BPIFB1: variants seen among roughly 807,000 people sequenced by gnomAD.
The protein encoded by BPIFB1 is BPI fold-containing family B member 1.
Under a neutral mutation model 55.1 loss-of-function variants are expected in BPIFB1, and 34 were observed. The ratio of observed to expected loss-of-function variants is 0.62; its 90% CI spans 0.47 to 0.82. BPIFB1 has a LOEUF of 0.82. Ranked by LOEUF, BPIFB1 falls within the 40% of genes least tolerant of loss-of-function variation. The pLI is 0.00. For synonymous variants in BPIFB1, 236 were observed against 245.3 expected (o/e 0.96, Z 0.35); for missense variants, 532 against 593.1 (o/e 0.90, Z 1.07).
intron 15 of BPIFB1, 60 bp downstream of exon 15, chr20:33,307,047 G>A: frequency 6.6e-7 from 1 of 1,508,498 alleles, no homozygotes; most frequent in South Asian, 1.1e-5. Flanking sequence ...TGAGAGCCCT[G>A]GCTGGGAGGT....
Position 33,309,784 on chromosome 20 carries a change from C to T in BPIFB1, c.*17C>T. ...TCCCAGTGAAGACTTGGATGGCAGC[C>T]ATCAGGGAAGGCTGGGTCCCAGCTG... On this transcript the variant is annotated 3_prime_UTR_variant, in exon 16 of 16. Coordinates refer to ENST00000253354, the MANE Select transcript of BPIFB1 (RefSeq NM_033197.3). This position sits in a 1 kb window ranked among gnomAD's most constrained non-coding sequence, Gnocchi z 4.4. The T allele has an allele frequency of 1.9e-6, 3 of 1,612,356 alleles. No individual in the cohort carries two copies. The highest frequency in any genetic ancestry group is 2.2e-5 in the South Asian group (2 of 91,016).
intron 6 of BPIFB1, among the ~76,000 whole-genome samples, chr20:33,293,994 G>A (rs112183272): frequency 0.01 from 1,541 of 152,210 alleles, 37 homozygotes; most frequent in African/African-American, 0.035. Context: ...TCTCCATTTT[G>A]TGAAATATAC....
At chr20:33,301,502 C>A in intron 9 of BPIFB1, 90 bp downstream of exon 9, 2 of 1,248,354 alleles carry the variant, frequency 1.6e-6, no homozygotes, top group South Asian at 1.4e-5. Context: ...CAGGAATCCT[C>A]CATCAGGCTC....
chr20:33,284,119 G>A (rs1396842516), intron 1 of BPIFB1, among the ~76,000 whole-genome samples: 1 of 152,158 alleles, frequency 6.6e-6, no homozygotes, highest in Non-Finnish European at 1.5e-5. Flanking sequence ...GGCCATGCCA[G>A]GCCACAAATA....
At chr20:33,302,791 A>T in intron 10 of BPIFB1, 125 bp from the exon 11 acceptor site, 1 of 1,054,872 alleles carries the variant, frequency 9.5e-7, no homozygotes, top group Non-Finnish European at 1.4e-6. Flanking sequence ...CAAGAAGGAC[A>T]GGGTGGCTGG....
intron 1 of BPIFB1, 132 bp from the exon 2 acceptor site, chr20:33,285,901 A>C (rs994293684): frequency 1.7e-6 from 1 of 598,802 alleles, no homozygotes; most frequent in African/African-American, 1.9e-5. Context: ...TGATTGCCTA[A>C]GGCTACACAG....
chr20:33,307,090 AC>A (rs754207634), intron 15 of BPIFB1, 103 bp downstream of exon 15: 2 of 1,062,618 alleles, frequency 1.9e-6, no homozygotes, highest in East Asian at 2.4e-5. Context: ...CCTACAGGTG[AC>A]CCTGGGCAAG....
chr20:33,302,845 A>T lies in BPIFB1; in HGVS notation c.982-71A>T, dbSNP rs1600668915. The T allele has an allele frequency of 3.8e-6, 6 of 1,562,272 alleles. No individual in the cohort carries two copies. In the East Asian group the frequency reaches 1.4e-4, roughly 35 times the overall value. On this transcript the variant is annotated intron_variant, in intron 10 of 15. Transcript: ENST00000253354. ...GAGCCCAGGAAGGCAGGCAGGGGCCAGGCCACACACAGAGCCTGTGGGCCA... is the reference window on the plus strand; with the variant it reads ...GAGCCCAGGAAGGCAGGCAGGGGCCTGGCCACACACAGAGCCTGTGGGCCA...
At chr20:33,287,801 C>A (rs74839068) in intron 2 of BPIFB1, among the ~76,000 whole-genome samples, 106 of 152,232 alleles carry the variant, frequency 7.0e-4, no homozygotes, top group African/African-American at 2.4e-3. Flanking sequence ...AGCCAGGGTG[C>A]CTGCAGAACT....
chr20:33,285,222 C>T (rs190342033), intron 1 of BPIFB1, among the ~76,000 whole-genome samples: 27 of 152,148 alleles, frequency 1.8e-4, no homozygotes, highest in African/African-American at 5.5e-4. Flanking sequence ...AGCAAAGGCA[C>T]GGACACAGGA....
At chr20:33,304,817 G>T (rs933617794) in intron 12 of BPIFB1, 29 bp from the exon 13 acceptor site, 1 of 1,614,082 alleles carries the variant, frequency 6.2e-7, no homozygotes, top group Non-Finnish European at 8.5e-7. Context: ...GACTTCAGGG[G>T]CCGCTCTCAC....
chr20:33,290,471 G>A (rs1980430832), intron 4 of BPIFB1, among the ~76,000 whole-genome samples: 1 of 152,212 alleles, frequency 6.6e-6, no homozygotes, highest in Non-Finnish European at 1.5e-5. Flanking sequence ...GAGGTGCTGA[G>A]AAGTTGATTG....
intron 6 of BPIFB1, among the ~76,000 whole-genome samples, chr20:33,293,674 G>A (rs57833116): frequency 0.055 from 8,307 of 151,996 alleles, 756 homozygotes; most frequent in African/African-American, 0.18. Context: ...CATCTCTACA[G>A]AAAAATAAAA....
rs140400786 is a variant in BPIFB1 at position 33,283,878 on chromosome 20, G to A, written c.-42+624G>A. Among the ~76,000 whole-genome samples, 838 of 152,196 alleles carry A rather than the reference G, an allele frequency of 5.5e-3. 9 individuals are homozygous for A. Among genetic ancestry groups the A allele is most frequent in the African/African-American group, 0.019 (790 of 41,502 alleles). On this transcript the variant is annotated intron_variant, in intron 1 of 15. Coordinates refer to ENST00000253354, the MANE Select transcript of BPIFB1 (RefSeq NM_033197.3). ...AACAGGGATGCTACCATCCTCGTGG[G>A]TCCCTGGGTTTCTCTGATCCAAAGA...
At chr20:33,303,130 T>C in intron 11 of BPIFB1, 56 bp downstream of exon 11, 1 of 1,598,264 alleles carries the variant, frequency 6.3e-7, no homozygotes, top group Non-Finnish European at 8.6e-7. Context: ...TCTGTCTACT[T>C]TTCCTGTTCG....
At chr20:33,299,237 C>T (rs1306725818) in intron 7 of BPIFB1, 2 of 450,800 alleles carry the variant, frequency 4.4e-6, no homozygotes, top group Non-Finnish European at 9.0e-6. Context: ...GGTAGGCGGC[C>T]GGTCCCTGGC....
At position 33,303,026 on chromosome 20, in the gene BPIFB1, AGT is replaced by A. The variant is rs1334872706; in HGVS notation, c.1095_1096del (p.Phe366SerfsTer4). On this transcript the variant is annotated frameshift_variant, in exon 11 of 16. Transcript: ENST00000253354. LOFTEE classifies it high-confidence loss of function. Reference sequence around the variant, plus strand: ...AGGTGGCCCAACTGATCGTGCTGGAAGTGTTTCCCTCCAGTGAAGCCCTCCGC... The same window carrying A: ...AGGTGGCCCAACTGATCGTGCTGGAAGTTTCCCTCCAGTGAAGCCCTCCGC... ...AKVAQLIVLE[V>X]FPSSEALRPL... The A allele has an allele frequency of 4.3e-6, 7 of 1,614,038 alleles. No homozygotes were observed. Among genetic ancestry groups the A allele is most frequent in the Non-Finnish European group, 5.9e-6 (7 of 1,180,036 alleles).
At chr20:33,283,870 C>T (rs1352469888) in intron 1 of BPIFB1, among the ~76,000 whole-genome samples, 1 of 152,028 alleles carries the variant, frequency 6.6e-6, no homozygotes, top group Non-Finnish European at 1.5e-5. Context: ...ATGCTACCAT[C>T]CTCGTGGGTC....
chr20:33,291,592 C>T (rs913586319), intron 5 of BPIFB1, among the ~76,000 whole-genome samples: 3 of 152,210 alleles, frequency 2.0e-5, no homozygotes, highest in Admixed American at 1.3e-4. Flanking sequence ...GAACAGTGCA[C>T]GCGCATGGTG....
Sources: allele counts gnomAD v4.1 joint callset (sites outside exome capture counted in the v4.1 genomes callset), GRCh38; gene constraint gnomAD v4.1.1; non-coding constraint Gnocchi (gnomAD v3.1); transcripts MANE v1.5; gene names NCBI Gene and HGNC (gene_info 2026-07-23, HGNC 2026-07-21).